Variants in RORA observed in about 807,000 individuals in gnomAD.
RORA encodes RAR related orphan receptor A, also known as nuclear receptor ROR-alpha.
Under a neutral mutation model 69.5 loss-of-function variants are expected in RORA, and 7 were observed. The ratio of observed to expected loss-of-function variants is 0.10; its 90% CI spans 0.06 to 0.19. The LOEUF (loss-of-function observed/expected upper bound fraction) is 0.19. RORA is among the 10% of genes least tolerant of loss of function. The pLI is 1.00. For missense variants in RORA, 457 were observed against 663.0 expected (o/e 0.69, Z 3.41); for synonymous variants, 261 against 240.8 (o/e 1.08, Z -0.78).
intron 8 of RORA, 41 bp downstream of exon 8, chr15:60,502,719 T>C: frequency 3.3e-6 from 4 of 1,210,116 alleles, no homozygotes; most frequent in African/African-American, 1.5e-5. Context: ...TCTTTTCCTA[T>C]AGCCCTGATT....
chr15:60,739,345 G>T (rs757837476), intron 1 of RORA, among the ~76,000 whole-genome samples: 3 of 152,088 alleles, frequency 2.0e-5, no homozygotes, highest in Admixed American at 6.5e-5. Context: ...GGCCCAGGTG[G>T]GTGGATCACT....
In RORA at chr15:61,147,769, G is replaced by A. The variant is rs1178024950; in HGVS notation, c.166+81284C>T. 7.6e-6 allele frequency among the ~76,000 whole-genome samples: 1 copy of A among 131,222 alleles called. No homozygotes were observed. Among genetic ancestry groups the A allele is most frequent in the East Asian group, 3.1e-4 (1 of 3,186 alleles). 86.1% of individuals were successfully genotyped at this position (131,222 alleles called of 152,430 possible). Reference sequence around the variant, plus strand: ...TCAGTAGGCACGTGCGCACACGCGTGTGTGTGTGTGTGTGTGTGTGTGTGT... The same window carrying A: ...TCAGTAGGCACGTGCGCACACGCGTATGTGTGTGTGTGTGTGTGTGTGTGT... On this transcript the variant is annotated intron_variant, in intron 1 of 10. Transcript: ENST00000335670. The surrounding 1 kb of genome is among the most constrained non-coding windows in gnomAD (Gnocchi z 4.1).
intron 1 of RORA, among the ~76,000 whole-genome samples, chr15:60,802,921 T>C (rs1253491743): frequency 1.3e-5 from 2 of 152,038 alleles, no homozygotes; most frequent in Non-Finnish European, 2.9e-5. Flanking sequence ...AACCCTTACA[T>C]GTCCTATTTA....
At chr15:60,876,618 T>C (rs2073619505) in intron 1 of RORA, among the ~76,000 whole-genome samples, 1 of 152,174 alleles carries the variant, frequency 6.6e-6, no homozygotes, top group Non-Finnish European at 1.5e-5. Flanking sequence ...GTTAGGATTT[T>C]TGCTGATTTT....
At chr15:61,220,579 T>C (rs1301087329) in intron 1 of RORA, among the ~76,000 whole-genome samples, 1 of 152,210 alleles carries the variant, frequency 6.6e-6, no homozygotes, top group Non-Finnish European at 1.5e-5. Context: ...TGGTTGCCTT[T>C]TCTCTGTCTT....
At chr15:60,927,490 C>T (rs146067953) in intron 1 of RORA, among the ~76,000 whole-genome samples, 4,181 of 152,232 alleles carry the variant, frequency 0.027, 72 homozygotes, top group Non-Finnish European at 0.042. Context: ...ACCTGAAAAC[C>T]GTCTGACTGT....
At chr15:60,833,474 C>T (rs1301548900) in intron 1 of RORA, among the ~76,000 whole-genome samples, 1 of 152,114 alleles carries the variant, frequency 6.6e-6, no homozygotes, top group Non-Finnish European at 1.5e-5. Context: ...CCTCGGCCTC[C>T]CAAAGTGCTG....
At chr15:60,535,856 G>T (rs796801061) in intron 2 of RORA, among the ~76,000 whole-genome samples, 10 of 152,014 alleles carry the variant, frequency 6.6e-5, no homozygotes, top group African/African-American at 2.4e-4. Context: ...TACCCTATGC[G>T]GTAGGCATCA....
intron 1 of RORA, among the ~76,000 whole-genome samples, chr15:61,063,820 T>G (rs571267128): frequency 8.5e-5 from 13 of 152,326 alleles, no homozygotes; most frequent in African/African-American, 3.1e-4. Flanking sequence ...AAATCAGGTT[T>G]CCTGTGAAAA....
At chr15:60,637,689 T>C (rs993679582) in intron 2 of RORA, among the ~76,000 whole-genome samples, 3 of 152,204 alleles carry the variant, frequency 2.0e-5, no homozygotes, top group African/African-American at 7.2e-5. Flanking sequence ...ATGTATTCTA[T>C]TGACACATAT....
chr15:61,220,791 C>G (rs1033389751), intron 1 of RORA, among the ~76,000 whole-genome samples: 1 of 152,206 alleles, frequency 6.6e-6, no homozygotes, highest in African/African-American at 2.4e-5. Context: ...AACTTTTCCT[C>G]TTTTCATTGC....
At chr15:60,504,579 G>C (rs1294721002) in intron 6 of RORA, among the ~76,000 whole-genome samples, 2 of 152,038 alleles carry the variant, frequency 1.3e-5, no homozygotes, top group Non-Finnish European at 2.9e-5. Context: ...GGTGGATATG[G>C]GAGCCAGGAT....
intron 1 of RORA, among the ~76,000 whole-genome samples, chr15:60,918,525 T>A (rs1421641288): frequency 1.3e-5 from 2 of 152,218 alleles, no homozygotes; most frequent in Non-Finnish European, 1.5e-5. Flanking sequence ...AACTGGGCAC[T>A]TTGGAGATGC....
chr15:60,917,785 C>T (rs967952470), intron 1 of RORA, among the ~76,000 whole-genome samples: 5 of 152,196 alleles, frequency 3.3e-5, no homozygotes, highest in African/African-American at 1.2e-4. Flanking sequence ...TCTGAAGCAT[C>T]GGCCCTTATT....
At chr15:60,664,555 G>T (rs533520108) in intron 2 of RORA, among the ~76,000 whole-genome samples, 1 of 152,106 alleles carries the variant, frequency 6.6e-6, no homozygotes, top group Non-Finnish European at 1.5e-5. Context: ...GCTAATAGAC[G>T]CCTCATGAGA....
chr15:60,735,548 A>G (rs2071485504), intron 1 of RORA, among the ~76,000 whole-genome samples: 1 of 152,004 alleles, frequency 6.6e-6, no homozygotes, highest in Admixed American at 6.6e-5. Context: ...CACCTTTAGA[A>G]TTATGCTAAG....
chr15:60,561,080 T>TTTTTTTTTTTTTTTTTTTTTTG (rs1555431320), intron 2 of RORA, among the ~76,000 whole-genome samples: 1 of 131,588 alleles, frequency 7.6e-6, no homozygotes, highest in African/African-American at 3.7e-5. Context: ...TGTTTTGTTT[T>TTTTTTTTTTTTTTTTTTTTTTG]TGTTTTTTTT....
At chr15:60,698,268 C>A (rs2070932725) in intron 1 of RORA, among the ~76,000 whole-genome samples, 1 of 152,102 alleles carries the variant, frequency 6.6e-6, no homozygotes, top group African/African-American at 2.4e-5. Flanking sequence ...TAAAAAAGCC[C>A]CACTAAAAGC....
chr15:60,973,338 G>A (rs541081010), intron 1 of RORA, among the ~76,000 whole-genome samples: 6 of 152,274 alleles, frequency 3.9e-5, no homozygotes, highest in African/African-American at 1.4e-4. Context: ...CTGGGTGGAT[G>A]AGCAGTATTT....
Sources: gnomAD v4.1 joint callset for allele counts (sites outside exome capture counted in the v4.1 genomes callset) on GRCh38, gnomAD v4.1.1 for gene constraint, Gnocchi (gnomAD v3.1) non-coding constraint, MANE v1.5 for transcripts, NCBI Gene and HGNC (gene_info 2026-07-23, HGNC 2026-07-21) for gene names.